Variants in NRXN1 observed in about 807,000 individuals in gnomAD.
The protein encoded by NRXN1 is neurexin 1.
Under a neutral mutation model 150.9 loss-of-function variants are expected in NRXN1, and 39 were observed. That is an observed-to-expected ratio of 0.26 (90% CI 0.20 to 0.34). The LOEUF is 0.34. Ranked by LOEUF, NRXN1 falls within the 10% of genes least tolerant of loss-of-function variation. The pLI, the probability that NRXN1 is intolerant of heterozygous loss-of-function variation, is 1.00. For missense variants in NRXN1, 1,815 were observed against 1,949.9 expected, an observed-to-expected ratio of 0.93 and a Z score of 1.30; for synonymous variants, 924 against 757.0, an observed-to-expected ratio of 1.22 and a Z score of -3.62.
At chr2:50,698,905 T>C (rs902048710) in intron 5 of NRXN1, among the ~76,000 whole-genome samples, 5 of 152,206 alleles carry the variant, frequency 3.3e-5, no homozygotes, top group African/African-American at 1.2e-4. Flanking sequence ...CAAAGTAGTC[T>C]TTTCCATGAA....
chr2:50,305,718 T>C (rs527804235), intron 17 of NRXN1, among the ~76,000 whole-genome samples: 19 of 152,334 alleles, frequency 1.2e-4, no homozygotes, highest in African/African-American at 4.1e-4. Context: ...TTCTCATTAA[T>C]ATTATCAAAG....
intron 17 of NRXN1, among the ~76,000 whole-genome samples, chr2:50,269,677 C>T (rs948673856): frequency 3.9e-5 from 6 of 152,100 alleles, no homozygotes; most frequent in South Asian, 4.2e-4. Flanking sequence ...AAAAGCCTGC[C>T]GTTTTGCAAA....
chr2:50,619,828 G>A (rs1679670957), intron 8 of NRXN1, 194 bp downstream of exon 8: 5 of 447,898 alleles, frequency 1.1e-5, no homozygotes, highest in Non-Finnish European at 2.0e-5. Flanking sequence ...ATAAAGAAGA[G>A]GAACCTAATT....
At chr2:50,899,083 A>T (rs1410528656) in intron 5 of NRXN1, among the ~76,000 whole-genome samples, 1 of 152,168 alleles carries the variant, frequency 6.6e-6, no homozygotes, top group African/African-American at 2.4e-5. Flanking sequence ...ACTATTCAGC[A>T]GAGACATAAA....
At chr2:50,995,626 C>T (rs1699163103) in intron 2 of NRXN1, among the ~76,000 whole-genome samples, 1 of 146,516 alleles carries the variant, frequency 6.8e-6, no homozygotes, top group African/African-American at 2.5e-5. Flanking sequence ...AAAAAAAGAG[C>T]TCAGAGGATC....
chr2:50,575,732 T>C (rs1208348095), intron 8 of NRXN1, among the ~76,000 whole-genome samples: 3 of 152,148 alleles, frequency 2.0e-5, no homozygotes, highest in Non-Finnish European at 4.4e-5. Flanking sequence ...TTGCTTACCA[T>C]TTTTCCCCAG....
chr2:50,738,303 T>C (rs1012822288), intron 5 of NRXN1, among the ~76,000 whole-genome samples: 1 of 152,218 alleles, frequency 6.6e-6, no homozygotes, highest in African/African-American at 2.4e-5. Flanking sequence ...ACCCTAACTA[T>C]TTGCTACTGA....
chr2:50,562,328 AC>A (rs1669211179), intron 8 of NRXN1, among the ~76,000 whole-genome samples: 1 of 102,922 alleles, frequency 9.7e-6, no homozygotes, highest in South Asian at 2.8e-4. Flanking sequence ...TGATAGATAT[AC>A]GATAGATAGA....
intron 17 of NRXN1, among the ~76,000 whole-genome samples, chr2:50,292,777 C>G (rs1422132731): frequency 6.6e-6 from 1 of 152,198 alleles, no homozygotes; most frequent in Non-Finnish European, 1.5e-5. Flanking sequence ...ACCTTTGATG[C>G]TGCCTTTAGA....
chr2:50,952,687 T>G (rs545930217), intron 2 of NRXN1, among the ~76,000 whole-genome samples: 147 of 152,284 alleles, frequency 9.7e-4, no homozygotes, highest in African/African-American at 3.5e-3. Flanking sequence ...TCAAAATGTC[T>G]GTGGTGGGAT....
At chr2:50,314,148 A>T (rs1336506420) in intron 17 of NRXN1, among the ~76,000 whole-genome samples, 1 of 152,072 alleles carries the variant, frequency 6.6e-6, no homozygotes, top group Non-Finnish European at 1.5e-5. Context: ...ATAATGGAAG[A>T]TCTTAATCTT....
At chr2:50,039,027 A>C (rs1690502688) in intron 21 of NRXN1, among the ~76,000 whole-genome samples, 1 of 151,880 alleles carries the variant, frequency 6.6e-6, no homozygotes, top group South Asian at 2.1e-4. Context: ...AAAATACAAA[A>C]ATTAGCCAGT....
At chr2:50,631,298 GAAAT>G (rs1191255515) in intron 5 of NRXN1, 1 of 296,672 alleles carries the variant, frequency 3.4e-6, no homozygotes, top group Non-Finnish European at 6.7e-6. Flanking sequence ...GACCAATCCA[GAAAT>G]AAATTGCCAA....
intron 15 of NRXN1, among the ~76,000 whole-genome samples, chr2:50,477,091 A>C (rs1184773335): frequency 1.3e-5 from 2 of 152,160 alleles, no homozygotes; most frequent in African/African-American, 4.8e-5. Context: ...AGGGAACAGC[A>C]CAATTGTACC....
At chr2:50,069,118 C>T (rs1695814553) in intron 19 of NRXN1, among the ~76,000 whole-genome samples, 2 of 152,330 alleles carry the variant, frequency 1.3e-5, no homozygotes, top group Middle Eastern at 3.4e-3. Flanking sequence ...GTGACAAAAG[C>T]TGTTCCCAGA....
intron 5 of NRXN1, among the ~76,000 whole-genome samples, chr2:50,803,594 C>G (rs547933667): frequency 1.3e-5 from 2 of 152,256 alleles, no homozygotes; most frequent in East Asian, 3.9e-4. Context: ...CCTGAGTTCT[C>G]TTCCTTGGCA....
chr2:50,488,841 G>C (rs562446159), intron 15 of NRXN1, among the ~76,000 whole-genome samples: 1 of 152,200 alleles, frequency 6.6e-6, no homozygotes, highest in Non-Finnish European at 1.5e-5. Flanking sequence ...GACAGCTCTT[G>C]AACAAGAAGC....
chr2:50,564,721 G>A (rs975592095), intron 8 of NRXN1, among the ~76,000 whole-genome samples: 3 of 151,972 alleles, frequency 2.0e-5, no homozygotes, highest in African/African-American at 7.3e-5. Context: ...AACTAAAAGG[G>A]CCCTAAAAAG....
chr2:50,509,634 T>A (rs979933496), intron 12 of NRXN1, among the ~76,000 whole-genome samples: 1 of 152,196 alleles, frequency 6.6e-6, no homozygotes, highest in African/African-American at 2.4e-5. Context: ...AGAAAGATGG[T>A]TTAACTGTTG....
Sources: gnomAD v4.1 joint callset for allele counts (sites outside exome capture counted in the v4.1 genomes callset) on GRCh38, gnomAD v4.1.1 for gene constraint, MANE v1.5 for transcripts, NCBI Gene and HGNC (gene_info 2026-07-23, HGNC 2026-07-21) for gene names.